The following GPRC5A variants were observed in gnomAD, a reference collection of about 807,000 sequenced individuals.
GPRC5A encodes retinoic acid-induced protein 3.
Under a neutral mutation model 22.5 loss-of-function variants are expected in GPRC5A, and 19 were observed. The ratio of observed to expected loss-of-function variants is 0.85; its 90% CI spans 0.59 to 1.24. The LOEUF (loss-of-function observed/expected upper bound fraction) is 1.24, where lower values mean the gene tolerates loss of function less well. Ranked by LOEUF, GPRC5A falls within the 50% of genes most tolerant of loss-of-function variation. The pLI, the probability that GPRC5A is intolerant of heterozygous loss-of-function variation, is 0.00. For missense variants in GPRC5A, 471 were observed against 451.1 expected (o/e 1.04, Z -0.40); for synonymous variants, 192 against 184.5 (o/e 1.04, Z -0.33).
chr12:12,900,891 CA>C (rs756416857), intron 1 of GPRC5A, among the ~76,000 whole-genome samples: 1,289 of 21,698 alleles, frequency 0.059, 7 homozygotes, highest in Non-Finnish European at 0.099. Context: ...AACTCCGTCT[CA>C]AAAAAAAAAA....
rs576096192 is a variant in GPRC5A at position 12,917,135 on chromosome 12, T to G, written c.*4596T>G. 1.3e-5 allele frequency: 2 copies of G among 152,412 alleles called. No individual in the cohort carries two copies. Among genetic ancestry groups the G allele is most frequent in the African/African-American group, 4.8e-5 (2 of 41,550 alleles). 9.4% of individuals were successfully genotyped at this position (152,412 alleles called of 1,614,324 possible). A position where few individuals can be genotyped will look rare whatever the true frequency, so the allele number is the denominator to read the frequency against. ...TCTGTGGCCCAACCTCGTGGCTGTT[T>G]TCTGGAATTCCTTCTATCGGGGCAG... On this transcript the variant is annotated 3_prime_UTR_variant, in exon 4 of 4. Transcript: ENST00000014914.
At chr12:12,907,400 C>CAAAAAAAAAAAAAA (rs567033664) in intron 1 of GPRC5A, among the ~76,000 whole-genome samples, 2 of 90,130 alleles carry the variant, frequency 2.2e-5, no homozygotes, top group African/African-American at 4.3e-5. Flanking sequence ...GACTCTGTCT[C>CAAAAAAAAAAAAAA]AAAAAAAAAA....
At chr12:12,904,831 T>C (rs1863924342) in intron 1 of GPRC5A, among the ~76,000 whole-genome samples, 1 of 151,774 alleles carries the variant, frequency 6.6e-6, no homozygotes, top group Non-Finnish European at 1.5e-5. Flanking sequence ...CTATATGAAT[T>C]AAATAATTTT....
chr12:12,910,795 A>G (rs1274414583), intron 2 of GPRC5A, among the ~76,000 whole-genome samples: 1 of 151,586 alleles, frequency 6.6e-6, no homozygotes, highest in African/African-American at 2.4e-5. Flanking sequence ...TGTACCTGTC[A>G]TATGTTCCTT....
At position 12,912,798 on chromosome 12, in the gene GPRC5A, G is replaced by A. The variant is rs1281206948; in HGVS notation, c.*259G>A. On this transcript the variant is annotated 3_prime_UTR_variant, in exon 4 of 4. Coordinates refer to ENST00000014914, the MANE Select transcript of GPRC5A (RefSeq NM_003979.4). ...ATACTTCTTTTAAGTGGGAGTCTCA[G>A]GCAACTCAAGTTTAGACCCTTACTC... 8.8e-6 allele frequency: 4 copies of A among 452,088 alleles called. No homozygotes were observed. The highest frequency in any genetic ancestry group is 2.0e-5 in the African/African-American group (1 of 49,340). The allele number at this position is 452,088 out of a possible 1,614,324, so 28.0% of individuals were successfully genotyped here.
In GPRC5A at chr12:12,909,065, A is replaced by G; in HGVS notation, c.816A>G (p.Arg272=). 1 of 1,608,976 alleles carries G rather than the reference A, an allele frequency of 6.2e-7. No individual in the cohort carries two copies. The highest frequency in any genetic ancestry group is 8.5e-7 in the Non-Finnish European group (1 of 1,179,954). ...AGTTTTGGCTGCTCACAAAGCAACG[A>G]AACCCCATGGATTATCCTGTTGAGG... ...SPEFWLLTKQ[R]NPMDYPVEDA... The change falls in exon 2 of 4, where the codon CGA becomes CGG. Residue 272 remains arginine (R), a synonymous_variant. Coordinates refer to ENST00000014914, the MANE Select transcript of GPRC5A (RefSeq NM_003979.4).
intron 1 of GPRC5A, among the ~76,000 whole-genome samples, chr12:12,907,490 C>A (rs1335426242): frequency 6.6e-6 from 1 of 151,440 alleles, no homozygotes; most frequent in East Asian, 2.0e-4. Flanking sequence ...CAAATGATAA[C>A]TGTATCAGGG....
intron 2 of GPRC5A, chr12:12,909,924 C>T (rs1199844652): frequency 2.0e-5 from 2 of 99,604 alleles, no homozygotes; most frequent in Non-Finnish European, 3.8e-5. Context: ...AATAGCAAGA[C>T]TTCATCTCTA....
At chr12:12,905,737 G>A (rs894431669) in intron 1 of GPRC5A, among the ~76,000 whole-genome samples, 2 of 152,066 alleles carry the variant, frequency 1.3e-5, no homozygotes, top group African/African-American at 4.8e-5. Context: ...ATTTCCTAGG[G>A]GTATGGTCAA....
Position 12,908,283 on chromosome 12 carries a change from G to A in GPRC5A, c.34G>A (p.Gly12Ser), listed in dbSNP as rs1184643065. 1 of 1,603,928 alleles carries A rather than the reference G, an allele frequency of 6.2e-7. No homozygotes were observed. The highest frequency in any genetic ancestry group is 1.7e-5 in the Admixed American group (1 of 58,644). Reference protein sequence around the residue: ...ATTVPDGCRNGLKSKYYRLCD... With the variant: ...ATTVPDGCRNSLKSKYYRLCD... ...AACAGTCCCTGATGGTTGCCGCAATGGCCTGAAATCCAAGTACTACAGACT... is the reference window on the plus strand; with the variant it reads ...AACAGTCCCTGATGGTTGCCGCAATAGCCTGAAATCCAAGTACTACAGACT... The change falls in exon 2 of 4, where the codon GGC (glycine) becomes AGC (serine). Residue 12 changes from glycine to serine, a missense_variant. By Grantham distance (56) the Gly-to-Ser change is moderately conservative. Transcript: ENST00000014914.
At chr12:12,901,033 A>G (rs769905771) in intron 1 of GPRC5A, among the ~76,000 whole-genome samples, 1 of 152,020 alleles carries the variant, frequency 6.6e-6, no homozygotes, top group Non-Finnish European at 1.5e-5. Flanking sequence ...TGATTCCAGG[A>G]TCTCAGCTGT....
intron 1 of GPRC5A, among the ~76,000 whole-genome samples, chr12:12,900,898 AAAAAAAAAAAAAAAAC>A (rs1293520225): frequency 2.4e-5 from 3 of 126,226 alleles, no homozygotes; most frequent in African/African-American, 3.6e-5. Context: ...TCTCAAAAAA[AAAAAAAAAAAAAAAAC>A]AAAAAAAAAA....
Position 12,915,835 on chromosome 12 carries a change from A to G in GPRC5A, c.*3296A>G, listed in dbSNP as rs767258278. 3 of 520,912 alleles carry G rather than the reference A, an allele frequency of 5.8e-6. No homozygotes were observed. The highest frequency in any genetic ancestry group is 1.2e-5 in the Non-Finnish European group (3 of 251,596). 32.3% of individuals were successfully genotyped at this position (520,912 alleles called of 1,614,324 possible). A position where few individuals can be genotyped will look rare whatever the true frequency, so the allele number is the denominator to read the frequency against. Reference sequence around the variant, plus strand: ...CCGGCCCCGTTGTTTCCCTTCTAAGAAACGCAGTGGTCTCTGAAGCCTGCA... The same window carrying G: ...CCGGCCCCGTTGTTTCCCTTCTAAGGAACGCAGTGGTCTCTGAAGCCTGCA... On this transcript the variant is annotated 3_prime_UTR_variant, in exon 4 of 4. Coordinates refer to ENST00000014914, the MANE Select transcript of GPRC5A (RefSeq NM_003979.4).
At position 12,917,784 on chromosome 12, in the gene GPRC5A, A is replaced by G. The variant is rs1450599209; in HGVS notation, c.*5245A>G. ...AAGCAAGGCAAAGCGTTCTGTCTTC[A>G]TTTTCCCCATCCCCATGAGACAAGA... is the stretch of plus-strand genomic sequence containing the variant. On this transcript the variant is annotated 3_prime_UTR_variant, in exon 4 of 4. Transcript: ENST00000014914. 1.3e-5 allele frequency: 2 copies of G among 152,114 alleles called. No individual in the cohort carries two copies. Among genetic ancestry groups the G allele is most frequent in the African/African-American group, 2.4e-5 (1 of 41,414 alleles). 9.4% of individuals were successfully genotyped at this position (152,114 alleles called of 1,614,324 possible). A position where few individuals can be genotyped will look rare whatever the true frequency, so the allele number is the denominator to read the frequency against.
chr12:12,896,375 G>A (rs560909477), intron 1 of GPRC5A, among the ~76,000 whole-genome samples: 1 of 152,146 alleles, frequency 6.6e-6, no homozygotes, highest in Non-Finnish European at 1.5e-5. Flanking sequence ...TTATTGCCAT[G>A]ATTCATCACT....
At chr12:12,894,539 G>A (rs1231784078) in intron 1 of GPRC5A, among the ~76,000 whole-genome samples, 1 of 151,976 alleles carries the variant, frequency 6.6e-6, no homozygotes, top group Non-Finnish European at 1.5e-5. Context: ...CTCTTGAGTA[G>A]CTGGGTCTAC....
At chr12:12,905,856 C>A (rs1425397209) in intron 1 of GPRC5A, among the ~76,000 whole-genome samples, 1 of 152,102 alleles carries the variant, frequency 6.6e-6, no homozygotes. Context: ...CTAGTGGCTT[C>A]CTGATTATCC....
intron 1 of GPRC5A, among the ~76,000 whole-genome samples, chr12:12,902,875 C>G (rs112296224): frequency 0.013 from 1,911 of 152,238 alleles, 45 homozygotes; most frequent in African/African-American, 0.044. Context: ...TGAGACCAGC[C>G]TGATCAACAT....
chr12:12,899,114 G>A (rs1212030622), intron 1 of GPRC5A, among the ~76,000 whole-genome samples: 2 of 152,064 alleles, frequency 1.3e-5, no homozygotes, highest in Non-Finnish European at 2.9e-5. Context: ...CTGCAGCCTC[G>A]AGTTCCTGGG....
Sources: gnomAD v4.1 joint callset for allele counts (sites outside exome capture counted in the v4.1 genomes callset) on GRCh38, gnomAD v4.1.1 for gene constraint, MANE v1.5 for transcripts, NCBI Gene and HGNC (gene_info 2026-07-23, HGNC 2026-07-21) for gene names.